The following NTM variants were observed in gnomAD, a reference collection of about 807,000 sequenced individuals.
NTM encodes the protein IgLON family member 2.
A neutral mutation model predicts 42.1 loss-of-function variants in NTM; 13 were observed. The ratio of observed to expected loss-of-function variants is 0.31; its 90% CI spans 0.20 to 0.49. The LOEUF (loss-of-function observed/expected upper bound fraction) is 0.49, where lower values mean the gene tolerates loss of function less well. Ranked by LOEUF, NTM falls within the 20% of genes least tolerant of loss-of-function variation. The pLI is 0.99. For synonymous variants in NTM, 187 were observed against 179.2 expected (o/e 1.04, Z -0.35); for missense variants, 373 against 452.8 (o/e 0.82, Z 1.60).
intron 4 of NTM, among the ~76,000 whole-genome samples, chr11:132,290,713 T>C (rs1001071743): frequency 6.6e-6 from 1 of 152,196 alleles, no homozygotes; most frequent in Non-Finnish European, 1.5e-5. Context: ...AACCCATCCA[T>C]TTTAATATAA....
chr11:131,676,301 A>G (rs1442026667), intron 1 of NTM, among the ~76,000 whole-genome samples: 1 of 152,242 alleles, frequency 6.6e-6, no homozygotes, highest in Admixed American at 6.5e-5. Flanking sequence ...ATAATTACAT[A>G]AAACAAAACC....
intron 1 of NTM, among the ~76,000 whole-genome samples, chr11:131,372,016 C>T (rs1054785862): frequency 1.6e-4 from 24 of 152,172 alleles, no homozygotes; most frequent in African/African-American, 5.3e-4. Flanking sequence ...CTCTTCTCCC[C>T]CTGCAATATG....
At chr11:131,943,423 C>A (rs1241538031) in intron 2 of NTM, among the ~76,000 whole-genome samples, 4 of 152,236 alleles carry the variant, frequency 2.6e-5, no homozygotes, top group Non-Finnish European at 5.9e-5. Flanking sequence ...GTAACCTGTG[C>A]TGCAACAAAC....
intron 1 of NTM, among the ~76,000 whole-genome samples, chr11:131,446,607 G>T (rs1950077466): frequency 6.6e-6 from 1 of 152,188 alleles, no homozygotes; most frequent in Non-Finnish European, 1.5e-5. Flanking sequence ...GAAATCCAGA[G>T]CTTCCTGGAG....
intron 1 of NTM, among the ~76,000 whole-genome samples, chr11:131,602,987 A>G (rs566512203): frequency 2.0e-5 from 3 of 152,294 alleles, no homozygotes; most frequent in East Asian, 1.9e-4. Context: ...TCAAGACACA[A>G]ATGTATTTCT....
At chr11:131,681,511 T>G (rs566831684) in intron 1 of NTM, among the ~76,000 whole-genome samples, 1 of 7,682 alleles carries the variant, frequency 1.3e-4, no homozygotes, top group African/African-American at 4.7e-4. Context: ...GAGCATGTGT[T>G]TCTGTGTCTG....
intron 2 of NTM, among the ~76,000 whole-genome samples, chr11:132,056,378 A>C (rs1485525860): frequency 6.6e-6 from 1 of 152,240 alleles, no homozygotes; most frequent in African/African-American, 2.4e-5. Context: ...TTTTCAATGT[A>C]GCAGTTCATT....
chr11:131,550,279 CTACAAAAAATT>C (rs1357439685), intron 1 of NTM, among the ~76,000 whole-genome samples: 1 of 152,082 alleles, frequency 6.6e-6, no homozygotes, highest in Non-Finnish European at 1.5e-5. Context: ...GACCCCACCT[CTACAAAAAATT>C]TAAAAATTAG....
intron 1 of NTM, among the ~76,000 whole-genome samples, chr11:131,483,004 C>T (rs925006763): frequency 6.6e-6 from 1 of 152,190 alleles, no homozygotes; most frequent in Admixed American, 6.5e-5. Context: ...TCAAGCAGAT[C>T]TCTTTTAATC....
At chr11:132,122,577 A>G (rs1461489177) in intron 2 of NTM, among the ~76,000 whole-genome samples, 3 of 152,172 alleles carry the variant, frequency 2.0e-5, no homozygotes, top group African/African-American at 7.2e-5. Flanking sequence ...ATGAGCTGAC[A>G]CTTGTCTGAT....
intron 2 of NTM, among the ~76,000 whole-genome samples, chr11:131,941,847 T>C (rs1047134822): frequency 2.3e-4 from 35 of 152,194 alleles, no homozygotes; most frequent in African/African-American, 8.4e-4. Context: ...TTCATTGCCC[T>C]TTAGTCTAGG....
At chr11:132,194,531 G>C (rs1189547050) in intron 3 of NTM, among the ~76,000 whole-genome samples, 1 of 152,042 alleles carries the variant, frequency 6.6e-6, no homozygotes, top group Non-Finnish European at 1.5e-5. Context: ...ACAAAAGCTG[G>C]AACCATTCCC....
At chr11:131,493,063 G>GA (rs1435632480) in intron 1 of NTM, among the ~76,000 whole-genome samples, 1 of 151,530 alleles carries the variant, frequency 6.6e-6, no homozygotes, top group Non-Finnish European at 1.5e-5. Context: ...CCAAAAAAAA[G>GA]AAAAAAATAC....
At chr11:131,495,295 G>T (rs570640179) in intron 1 of NTM, among the ~76,000 whole-genome samples, 4 of 152,074 alleles carry the variant, frequency 2.6e-5, no homozygotes, top group East Asian at 1.9e-4. Context: ...ACACTCCCCC[G>T]CCCCTGTTGT....
chr11:132,332,775 A>C lies in NTM; in HGVS notation c.968-2271A>C, dbSNP rs533041597. ...CATTCCCTTACATGGTAACTACGCC[A>C]GGCCCCTGCTGGGCTGAACACCTGG... On this transcript the variant is annotated intron_variant, in intron 8 of 8. Transcript: ENST00000683400. 2.0e-4 allele frequency: 31 copies of C among 152,374 alleles called. No homozygotes were observed. In the East Asian group the frequency reaches 5.8e-3, roughly 29 times the overall value. The allele number at this position is 152,374 out of a possible 1,614,324, so 9.4% of individuals were successfully genotyped here.
intron 2 of NTM, among the ~76,000 whole-genome samples, chr11:131,998,314 AAATT>A (rs1201206686): frequency 6.6e-6 from 1 of 152,126 alleles, no homozygotes; most frequent in African/African-American, 2.4e-5. Context: ...GAGGTAGTTA[AAATT>A]ACAGCTTTAG....
intron 1 of NTM, chr11:131,605,893 A>G: frequency 2.2e-5 from 22 of 982,400 alleles, no homozygotes; most frequent in Non-Finnish European, 2.7e-5. Context: ...CACTCTATTA[A>G]TCATTGTTTC....
chr11:131,432,296 C>G (rs1948718088), intron 1 of NTM, among the ~76,000 whole-genome samples: 1 of 152,174 alleles, frequency 6.6e-6, no homozygotes, highest in Middle Eastern at 3.2e-3. Context: ...CCTATCCCTT[C>G]ATGGACTCCA....
At chr11:131,729,879 AT>A (rs2079422888) in intron 1 of NTM, among the ~76,000 whole-genome samples, 1 of 152,148 alleles carries the variant, frequency 6.6e-6, no homozygotes, top group Non-Finnish European at 1.5e-5. Flanking sequence ...CTTTTTAGCT[AT>A]CATTAAGAAA....
Sources: gnomAD v4.1 joint callset for allele counts (sites outside exome capture counted in the v4.1 genomes callset) on GRCh38, gnomAD v4.1.1 for gene constraint, MANE v1.5 for transcripts, NCBI Gene and HGNC (gene_info 2026-07-23, HGNC 2026-07-21) for gene names.